ZNF407: variants seen among roughly 807,000 people sequenced by gnomAD.
ZNF407 encodes zinc finger protein 407.
Under a neutral mutation model 131.2 loss-of-function variants are expected in ZNF407, and 17 were observed. The ratio of observed to expected loss-of-function variants is 0.13; its 90% CI spans 0.09 to 0.19. The LOEUF is 0.19. Among genes scored for constraint, ZNF407 ranks in the 10% least tolerant of loss-of-function variants. The pLI is 1.00. For missense variants in ZNF407, 2,681 were observed against 2,830.6 expected (o/e 0.95, Z 1.20); for synonymous variants, 1,156 against 1,062.0 (o/e 1.09, Z -1.72).
chr18:74,676,900 A>G (rs1227530705), intron 3 of ZNF407, among the ~76,000 whole-genome samples: 1 of 152,136 alleles, frequency 6.6e-6, no homozygotes, highest in Non-Finnish European at 1.5e-5. Context: ...AGTTACCTTC[A>G]TGGCACTCGG....
intron 2 of ZNF407, among the ~76,000 whole-genome samples, chr18:74,639,648 C>T (rs1290140795): frequency 6.6e-6 from 1 of 152,178 alleles, no homozygotes; most frequent in Admixed American, 6.5e-5. Context: ...TTTACATCTA[C>T]TTCTAACAGC....
chr18:74,797,401 G>T (rs978232052), intron 4 of ZNF407, among the ~76,000 whole-genome samples: 1 of 152,220 alleles, frequency 6.6e-6, no homozygotes, highest in Non-Finnish European at 1.5e-5. Context: ...TCTGTGACCT[G>T]CCTCGCTTTG....
intron 4 of ZNF407, among the ~76,000 whole-genome samples, chr18:74,792,852 G>C (rs1269240727): frequency 6.6e-6 from 1 of 152,164 alleles, no homozygotes; most frequent in Non-Finnish European, 1.5e-5. Context: ...GTTGAAGCTG[G>C]AAGAGGGTCA....
At chr18:74,736,676 G>T (rs1278626066) in intron 3 of ZNF407, among the ~76,000 whole-genome samples, 1 of 152,098 alleles carries the variant, frequency 6.6e-6, no homozygotes, top group Non-Finnish European at 1.5e-5. Flanking sequence ...GGATGCCTTT[G>T]TCAGTTGTTT....
At chr18:74,706,997 G>T (rs1016755559) in intron 3 of ZNF407, among the ~76,000 whole-genome samples, 12 of 149,296 alleles carry the variant, frequency 8.0e-5, no homozygotes, top group Non-Finnish European at 1.8e-4. Context: ...TGTCGCCCAG[G>T]CTGGAGTGCC....
intron 3 of ZNF407, among the ~76,000 whole-genome samples, chr18:74,682,627 T>TA (rs1487602828): frequency 6.6e-6 from 1 of 152,206 alleles, no homozygotes; most frequent in East Asian, 1.9e-4. Context: ...ATTTGGTTGT[T>TA]ATGATTCCAT....
intron 4 of ZNF407, among the ~76,000 whole-genome samples, chr18:74,871,163 T>C (rs980862588): frequency 3.9e-5 from 6 of 152,226 alleles, no homozygotes; most frequent in Admixed American, 3.9e-4. Flanking sequence ...CGGTCGGCAG[T>C]GCTCGTCCCT....
chr18:74,920,308 A>G (rs1189425011), intron 7 of ZNF407, among the ~76,000 whole-genome samples: 1 of 152,224 alleles, frequency 6.6e-6, no homozygotes, highest in Non-Finnish European at 1.5e-5. Context: ...AAATGAAGCT[A>G]AAAGACCAAC....
At chr18:74,877,483 T>A in intron 5 of ZNF407, 120 bp downstream of exon 5, 1 of 979,742 alleles carries the variant, frequency 1.0e-6, no homozygotes, top group Non-Finnish European at 1.5e-6. Flanking sequence ...TGTCCTGCTT[T>A]AAGATTGTGG....
chr18:74,947,602 C>T (rs778174291), intron 8 of ZNF407, among the ~76,000 whole-genome samples: 18 of 152,178 alleles, frequency 1.2e-4, no homozygotes, highest in African/African-American at 2.7e-4. Flanking sequence ...AACAAAACAT[C>T]GGCTGCTCTC....
At position 75,056,330 on chromosome 18, in the gene ZNF407, T is replaced by C. The variant is rs141755191; in HGVS notation, c.5429-6820T>C. Among the ~76,000 whole-genome samples the C allele has an allele frequency of 5.9e-5, 9 of 152,358 alleles. No individual in the cohort carries two copies. The South Asian group carries it at 1.0e-3, about 18-fold the overall frequency. On this transcript the variant is annotated intron_variant, in intron 8 of 8. Coordinates refer to ENST00000299687, the MANE Select transcript of ZNF407 (RefSeq NM_017757.3). The stretch of plus-strand genomic sequence containing the variant: ...GCTGACCAGAATGTGTTTCTAACCA[T>C]TGAAAATAATGGAGAAACATGAGGT...
At chr18:74,924,237 T>C in intron 8 of ZNF407, among the ~76,000 whole-genome samples, 1 of 152,194 alleles carries the variant, frequency 6.6e-6, no homozygotes, top group East Asian at 1.9e-4. Flanking sequence ...AGATTCTGCT[T>C]CTTAATCCCA....
chr18:74,794,644 C>T (rs1459483273), intron 4 of ZNF407, among the ~76,000 whole-genome samples: 1 of 152,002 alleles, frequency 6.6e-6, no homozygotes, highest in East Asian at 1.9e-4. Context: ...GAGAATTGCC[C>T]TAGATGAACT....
At chr18:75,000,690 TC>T (rs1000281613) in intron 8 of ZNF407, among the ~76,000 whole-genome samples, 39 of 152,124 alleles carry the variant, frequency 2.6e-4, no homozygotes, top group African/African-American at 9.4e-4. Flanking sequence ...ACTCTTTTTT[TC>T]TGCATCATTT....
At chr18:74,679,163 A>C (rs775059914) in intron 3 of ZNF407, among the ~76,000 whole-genome samples, 11 of 152,236 alleles carry the variant, frequency 7.2e-5, no homozygotes, top group Non-Finnish European at 1.2e-4. Flanking sequence ...ATTGTATTAG[A>C]ACCAAGGGCA....
intron 7 of ZNF407, among the ~76,000 whole-genome samples, chr18:74,900,572 C>A (rs1172984195): frequency 6.6e-6 from 1 of 152,176 alleles, no homozygotes; most frequent in Non-Finnish European, 1.5e-5. Flanking sequence ...CAAACACTTG[C>A]TTTCAATATA....
chr18:74,997,339 A>G (rs967613252), intron 8 of ZNF407, among the ~76,000 whole-genome samples: 1 of 152,192 alleles, frequency 6.6e-6, no homozygotes, highest in African/African-American at 2.4e-5. Flanking sequence ...GGGCTTCACA[A>G]TTAGGGGCCT....
In ZNF407 at chr18:75,030,861, G is replaced by A. The variant is rs1010479144; in HGVS notation, c.5429-32289G>A. On this transcript the variant is annotated intron_variant, in intron 8 of 8. Transcript: ENST00000299687. Reference sequence around the variant, plus strand: ...CCTCTCCATTCTCTACCCCCGTGTCGTGTTCCCAAACGTGACAACTCACCC... The same window carrying A: ...CCTCTCCATTCTCTACCCCCGTGTCATGTTCCCAAACGTGACAACTCACCC... 9.2e-5 allele frequency among the ~76,000 whole-genome samples: 14 copies of A among 152,262 alleles called. No individual in the cohort carries two copies. In the South Asian group the frequency reaches 1.2e-3, roughly 14 times the overall value.
rs1003606788 is a variant in ZNF407, at chr18:74,786,058, A to G, written c.4877+4556A>G. 1.1e-4 allele frequency among the ~76,000 whole-genome samples: 17 copies of G among 152,352 alleles called. No homozygotes were observed. In the East Asian group the frequency reaches 1.9e-3, roughly 17 times the overall value. On this transcript the variant is annotated intron_variant, in intron 4 of 8. Transcript: ENST00000299687. ...GAAACCCTGAGGAAATTATTGGGGA[A>G]CAGATTAAATTTTTTCTTATTAGAA...
Sources: allele counts gnomAD v4.1 joint callset (sites outside exome capture counted in the v4.1 genomes callset), GRCh38; gene constraint gnomAD v4.1.1; transcripts MANE v1.5; gene names NCBI Gene and HGNC (gene_info 2026-07-23, HGNC 2026-07-21).